Variants in FGF14 observed in about 807,000 individuals in gnomAD.
FGF14 encodes the protein fibroblast growth factor homologous factor 4.
Under a neutral mutation model 25.5 loss-of-function variants are expected in FGF14, and 5 were observed. That is an observed-to-expected ratio of 0.20 (90% confidence interval 0.10 to 0.41). FGF14 has a LOEUF of 0.41. Ranked by LOEUF, FGF14 falls within the 10% of genes least tolerant of loss-of-function variation. The pLI is 1.00. For synonymous variants in FGF14, 138 were observed against 118.3 expected, an observed-to-expected ratio of 1.17 and a Z score of -1.08; for missense variants, 222 against 320.1, an observed-to-expected ratio of 0.69 and a Z score of 2.34.
intron 1 of FGF14, among the ~76,000 whole-genome samples, chr13:102,054,798 A>G (rs936239386): frequency 5.9e-5 from 9 of 152,038 alleles, no homozygotes. Context: ...CTGCTTCCAC[A>G]TTTTCTAGGT....
intron 1 of FGF14, among the ~76,000 whole-genome samples, chr13:102,204,075 T>A (rs868530649): frequency 6.6e-6 from 1 of 152,182 alleles, no homozygotes; most frequent in Non-Finnish European, 1.5e-5. Context: ...GTTACCACAG[T>A]GGAAACTGAA....
chr13:101,752,652 T>G (rs2037364955), intron 3 of FGF14, among the ~76,000 whole-genome samples: 1 of 152,208 alleles, frequency 6.6e-6, no homozygotes, highest in Non-Finnish European at 1.5e-5. Context: ...AGAAAGTCTC[T>G]AAACCTTGGT....
At chr13:102,307,749 C>T (rs753557221) in intron 1 of FGF14, among the ~76,000 whole-genome samples, 10 of 152,084 alleles carry the variant, frequency 6.6e-5, no homozygotes, top group Non-Finnish European at 1.2e-4. Context: ...ACTTCTATTA[C>T]GATTCCCATT....
intron 1 of FGF14, among the ~76,000 whole-genome samples, chr13:102,117,929 A>AT (rs1230931479): frequency 2.6e-5 from 4 of 152,174 alleles, no homozygotes; most frequent in African/African-American, 9.7e-5. Flanking sequence ...GAAAGAAATA[A>AT]TTTTTTGTGT....
chr13:101,868,346 A>G (rs555096754), intron 3 of FGF14: 3 of 204,176 alleles, frequency 1.5e-5, no homozygotes, highest in Middle Eastern at 2.2e-3. Context: ...TTGAATTCTT[A>G]CTTTAGAAAA....
chr13:102,161,652 G>GTC (rs1566765258), intron 1 of FGF14, among the ~76,000 whole-genome samples: 1,229 of 16,948 alleles, frequency 0.073, 122 homozygotes, highest in East Asian at 0.27. Context: ...AGAAGAAGAA[G>GTC]AAGAAGAAGA....
intron 3 of FGF14, among the ~76,000 whole-genome samples, chr13:101,783,920 T>C (rs1007347593): frequency 7.2e-5 from 11 of 152,310 alleles, no homozygotes; most frequent in South Asian, 6.2e-4. Context: ...CCCAGCACCA[T>C]TGACTGACTA....
At chr13:101,969,309 A>G (rs931141888) in intron 1 of FGF14, among the ~76,000 whole-genome samples, 2 of 152,208 alleles carry the variant, frequency 1.3e-5, no homozygotes, top group East Asian at 1.9e-4. Context: ...CACGCCTGTA[A>G]TCCCAGCACT....
At chr13:102,108,732 T>C (rs2045059386) in intron 1 of FGF14, among the ~76,000 whole-genome samples, 1 of 152,202 alleles carries the variant, frequency 6.6e-6, no homozygotes, top group Admixed American at 6.5e-5. Flanking sequence ...TTTCCATTCT[T>C]AAAGGGCTAA....
intron 1 of FGF14, among the ~76,000 whole-genome samples, chr13:102,223,566 G>C (rs969911406): frequency 1.3e-5 from 2 of 152,054 alleles, no homozygotes; most frequent in Non-Finnish European, 2.9e-5. Flanking sequence ...AGTTATTTAC[G>C]ATGGCCTACG....
chr13:101,753,290 CACAG>C (rs1193594748), intron 3 of FGF14, among the ~76,000 whole-genome samples: 8 of 104,890 alleles, frequency 7.6e-5, no homozygotes, highest in South Asian at 7.9e-4. Flanking sequence ...CACAGACACA[CACAG>C]ACAGACACAC....
At chr13:102,180,877 T>C (rs1442509737) in intron 1 of FGF14, among the ~76,000 whole-genome samples, 1 of 152,126 alleles carries the variant, frequency 6.6e-6, no homozygotes, top group African/African-American at 2.4e-5. Context: ...CCCAAAAAGA[T>C]CTGTTTTATC....
chr13:102,161,626 AAGAAGAAG>A (rs2047703386), intron 1 of FGF14, among the ~76,000 whole-genome samples: 2 of 10,838 alleles, frequency 1.8e-4, no homozygotes, highest in Non-Finnish European at 1.4e-4. Context: ...GAAGAAGAAG[AAGAAGAAG>A]AAGAAGAAGA....
chr13:101,954,699 A>AGTGTGTGTGTGTGT (rs5806259), intron 1 of FGF14, among the ~76,000 whole-genome samples: 6 of 150,764 alleles, frequency 4.0e-5, no homozygotes, highest in Non-Finnish European at 4.4e-5. Context: ...ATTCACTGAA[A>AGTGTGTGTGTGTGT]GTGTGTGTGT....
intron 1 of FGF14, among the ~76,000 whole-genome samples, chr13:102,193,822 C>A (rs1419809840): frequency 6.6e-6 from 1 of 152,044 alleles, no homozygotes. Flanking sequence ...CTAAAATATT[C>A]AGTTTCAAAA....
intron 3 of FGF14, among the ~76,000 whole-genome samples, chr13:101,844,867 C>T (rs2043368652): frequency 6.6e-6 from 1 of 152,024 alleles, no homozygotes; most frequent in South Asian, 2.1e-4. Flanking sequence ...TAGAAGACTA[C>T]ACTGCAAATG....
intron 1 of FGF14, among the ~76,000 whole-genome samples, chr13:102,020,542 T>C (rs2040585416): frequency 6.6e-6 from 1 of 151,316 alleles, no homozygotes; most frequent in Non-Finnish European, 1.5e-5. Flanking sequence ...AGTGAAACTC[T>C]GTGAGAAACA....
At position 102,391,067 on chromosome 13, in the gene FGF14, C is replaced by G. The variant is rs148818638; in HGVS notation, c.208+10404G>C. ...TATTTTATTATTTTGGGTCTATTTT[C>G]CTAATGTAATGAATGTAAAAGAGGT... On this transcript the variant is annotated intron_variant, in intron 1 of 4. Coordinates refer to the FGF14 transcript ENST00000376131. Among the ~76,000 whole-genome samples, 304 of 152,202 alleles carry G rather than the reference C, an allele frequency of 2.0e-3. 3 individuals carry two copies. The highest frequency in any genetic ancestry group is 6.8e-3 in the African/African-American group (282 of 41,508).
At chr13:101,763,547 G>A (rs760422746) in intron 3 of FGF14, among the ~76,000 whole-genome samples, 35 of 151,800 alleles carry the variant, frequency 2.3e-4, no homozygotes, top group Middle Eastern at 3.4e-3. Context: ...CCTCTCTAGC[G>A]TTAATTTGAG....
Sources: gnomAD v4.1 joint callset for allele counts (sites outside exome capture counted in the v4.1 genomes callset) on GRCh38, gnomAD v4.1.1 for gene constraint, MANE v1.5 for transcripts, NCBI Gene and HGNC (gene_info 2026-07-23, HGNC 2026-07-21) for gene names.